RNF38: variants seen among roughly 807,000 people sequenced by gnomAD.
RNF38 encodes the protein ring finger protein 38.
A neutral mutation model predicts 67.2 loss-of-function variants in RNF38; 15 were observed. The observed-to-expected ratio is 0.22, with a 90% CI of 0.15 to 0.34. The LOEUF is 0.34. Ranked by LOEUF, RNF38 falls within the 10% of genes least tolerant of loss-of-function variation. The pLI is 1.00. For synonymous variants in RNF38, 220 were observed against 218.8 expected, an observed-to-expected ratio of 1.01 and a Z score of -0.05; for missense variants, 524 against 639.9, an observed-to-expected ratio of 0.82 and a Z score of 1.95.
intron 1 of RNF38, among the ~76,000 whole-genome samples, chr9:36,457,950 A>T (rs543428754): frequency 1.3e-5 from 2 of 152,218 alleles, no homozygotes; most frequent in Non-Finnish European, 2.9e-5. Context: ...GGTTGAGAAG[A>T]GCCCTAGCTT....
intron 1 of RNF38, among the ~76,000 whole-genome samples, chr9:36,396,528 G>A (rs547408452): frequency 8.5e-5 from 13 of 152,176 alleles, no homozygotes; most frequent in Middle Eastern, 3.4e-3. Context: ...TTTTCTGGGA[G>A]CAGAGTTCTC....
At chr9:36,348,765 G>A (rs1833487470) in intron 9 of RNF38, among the ~76,000 whole-genome samples, 1 of 152,196 alleles carries the variant, frequency 6.6e-6, no homozygotes, top group African/African-American at 2.4e-5. Context: ...GAAGTGCAAG[G>A]TGATGCTGGA....
At chr9:36,470,991 C>T (rs1463619396) in intron 1 of RNF38, among the ~76,000 whole-genome samples, 1 of 152,182 alleles carries the variant, frequency 6.6e-6, no homozygotes, top group Non-Finnish European at 1.5e-5. Flanking sequence ...GTCGGCTCTT[C>T]CAGCAAATCT....
At position 36,390,574 on chromosome 9, in the gene RNF38, T is replaced by C. The variant is rs924309946; in HGVS notation, c.55A>G (p.Asn19Asp). The C allele has an allele frequency of 6.2e-7, 1 of 1,614,066 alleles. No homozygotes were observed. The highest frequency in any genetic ancestry group is 8.5e-7 in the Non-Finnish European group (1 of 1,180,006). The change falls in exon 2 of 12, where the codon AAC (asparagine) becomes GAC (aspartate). Residue 19 changes from asparagine (N) to aspartate (D), a missense_variant. Asn to Asp is a conservative substitution (Grantham distance 23, BLOSUM62 1). Coordinates refer to ENST00000259605, the MANE Select transcript of RNF38 (RefSeq NM_022781.5). Reference protein sequence around the residue: ...ANSASLPGHPNKVICERVRLQ... With the variant: ...ANSASLPGHPDKVICERVRLQ... The stretch of plus-strand genomic sequence containing the variant: ...CTCACCCTTTCACAAATCACCTTGT[T>C]AGGATGGCCAGGTAGAGATGCTGAA...
At chr9:36,473,984 T>C (rs1587205357) in intron 1 of RNF38, among the ~76,000 whole-genome samples, 1 of 112,370 alleles carries the variant, frequency 8.9e-6, no homozygotes, top group Non-Finnish European at 1.8e-5. Context: ...AGACTCCATC[T>C]CGGGAAAAAA....
At chr9:36,404,580 C>A (rs1220166664), upstream of RNF38, among the ~76,000 whole-genome samples, 8 of 152,256 alleles carry the variant, frequency 5.3e-5, no homozygotes, top group East Asian at 1.5e-3. Context: ...TTACTTGAGT[C>A]TTTAATTCTT....
At chr9:36,409,245 A>AG (rs1161527526) in intron 2 of RNF38, among the ~76,000 whole-genome samples, 2 of 148,292 alleles carry the variant, frequency 1.3e-5, no homozygotes, top group Non-Finnish European at 1.5e-5. Flanking sequence ...ATGGAAGGAA[A>AG]GAAGGAAGGA....
chr9:36,359,428 T>C (rs1834357710), intron 4 of RNF38, among the ~76,000 whole-genome samples: 1 of 152,176 alleles, frequency 6.6e-6, no homozygotes, highest in Non-Finnish European at 1.5e-5. Context: ...CTAATTTTGC[T>C]TGCACATGGA....
chr9:36,358,921 G>C (rs1170639149), intron 4 of RNF38, among the ~76,000 whole-genome samples: 3 of 152,200 alleles, frequency 2.0e-5, no homozygotes, highest in Non-Finnish European at 4.4e-5. Context: ...TGAGGCAGGA[G>C]AATCACTTGA....
chr9:36,455,118 G>A (rs1318490091), intron 1 of RNF38, among the ~76,000 whole-genome samples: 1 of 151,390 alleles, frequency 6.6e-6, no homozygotes, highest in Non-Finnish European at 1.5e-5. Flanking sequence ...AGAGTGCGGT[G>A]GTGCGATCTT....
intron 4 of RNF38, 50 bp downstream of exon 4, chr9:36,369,669 C>A: frequency 1.4e-6 from 2 of 1,407,886 alleles, no homozygotes; most frequent in African/African-American, 1.5e-5. Flanking sequence ...AAATCTCAAA[C>A]TGCCACAAAA....
chr9:36,381,858 C>T (rs1157805578), intron 2 of RNF38, among the ~76,000 whole-genome samples: 1 of 152,214 alleles, frequency 6.6e-6, no homozygotes, highest in African/African-American at 2.4e-5. Context: ...GTTTCCCAGA[C>T]CATGGTCACT....
chr9:36,391,636 A>C (rs1387229108), intron 1 of RNF38, among the ~76,000 whole-genome samples: 1 of 134,574 alleles, frequency 7.4e-6, no homozygotes, highest in Non-Finnish European at 1.6e-5. Flanking sequence ...TTTTTTTGAG[A>C]TGGAGTCTCG....
intron 2 of RNF38, among the ~76,000 whole-genome samples, chr9:36,416,740 A>ATTTTT (rs1491451376): frequency 1.6e-4 from 12 of 73,044 alleles, no homozygotes; most frequent in South Asian, 5.1e-4. Context: ...TGCTGCCTCG[A>ATTTTT]TATTTTTTTT....
chr9:36,409,758 G>T (rs1838277410), intron 2 of RNF38, among the ~76,000 whole-genome samples: 1 of 152,200 alleles, frequency 6.6e-6, no homozygotes, highest in African/African-American at 2.4e-5. Flanking sequence ...GATACACGGT[G>T]CATCTCCACA....
intron 1 of RNF38, among the ~76,000 whole-genome samples, chr9:36,473,506 T>A (rs1308032240): frequency 6.6e-6 from 1 of 151,254 alleles, no homozygotes; most frequent in African/African-American, 2.4e-5. Flanking sequence ...GAGAATTGCT[T>A]GAACCTGAGA....
chr9:36,340,085 T>C (rs1199240517), intron 11 of RNF38, among the ~76,000 whole-genome samples: 4 of 152,084 alleles, frequency 2.6e-5, no homozygotes, highest in African/African-American at 9.7e-5. Context: ...GTTCAAGCGA[T>C]TCTCCCGTCT....
chr9:36,340,969 A>C lies in RNF38; in HGVS notation c.1486-1155T>G, dbSNP rs796270739. 7.2e-5 allele frequency among the ~76,000 whole-genome samples: 11 copies of C among 152,068 alleles called. 1 individual carries two copies. Among genetic ancestry groups the C allele is most frequent in the African/African-American group, 2.7e-4 (11 of 41,464 alleles). On this transcript the variant is annotated intron_variant, in intron 11 of 11. Coordinates refer to ENST00000259605, the MANE Select transcript of RNF38 (RefSeq NM_022781.5). The stretch of plus-strand genomic sequence containing the variant: ...CAGTCCCTCTTTTCATCTAGTTGCT[A>C]CTATCCATTCTCTGGCCCACCATGT...
upstream of RNF38, chr9:36,487,563 C>T (rs1311959977): frequency 4.1e-6 from 4 of 980,440 alleles, no homozygotes; most frequent in South Asian, 1.8e-4. Flanking sequence ...CCGCTCATGG[C>T]GGGGCCGCGA....
Sources: gnomAD v4.1 joint callset for allele counts (sites outside exome capture counted in the v4.1 genomes callset) on GRCh38, gnomAD v4.1.1 for gene constraint, MANE v1.5 for transcripts, NCBI Gene and HGNC (gene_info 2026-07-23, HGNC 2026-07-21) for gene names.